CLCC1: variants seen among roughly 807,000 people sequenced by gnomAD.
CLCC1 encodes the protein chloride channel CLIC-like protein 1.
Under a neutral mutation model 63.3 loss-of-function variants are expected in CLCC1, and 39 were observed. The observed-to-expected ratio is 0.62, with a 90% CI of 0.48 to 0.81. CLCC1 has a LOEUF of 0.81. Among genes scored for constraint, CLCC1 ranks in the 30% least tolerant of loss-of-function variants. The probability of loss-of-function intolerance (pLI) is 0.00; values close to 1 mark genes in which losing one functional copy is unlikely to be tolerated. For synonymous variants in CLCC1, 217 were observed against 239.8 expected (o/e 0.90, Z 0.88); for missense variants, 549 against 669.4 (o/e 0.82, Z 1.98).
At chr1:108,932,733 C>A (rs376474529) in intron 12 of CLCC1, 4 of 152,162 alleles carry the variant, frequency 2.6e-5, no homozygotes, top group Admixed American at 2.6e-4. Flanking sequence ...ACACTTTATA[C>A]GCATGGATGT....
Position 108,954,851 on chromosome 1 carries a change from T to TGTGTGTGTGTGTGA in CLCC1, c.-11-4404_-11-4403insTCACACACACACAC, listed in dbSNP as rs1372044601. Among the ~76,000 whole-genome samples the TGTGTGTGTGTGTGA allele has an allele frequency of 3.3e-4, 48 of 145,838 alleles. 1 individual carries two copies. Among genetic ancestry groups the TGTGTGTGTGTGTGA allele is most frequent in the African/African-American group, 1.3e-3 (48 of 38,142 alleles). ...GTGTGTGTGTGTGTGTGTGTGTGTG[T>TGTGTGTGTGTGTGA]GACGGAGTTTCGCTCTTGTCGCCCA... On this transcript the variant is annotated intron_variant, in intron 2 of 12. Transcript: ENST00000369969.
intron 2 of CLCC1, among the ~76,000 whole-genome samples, chr1:108,952,748 T>G (rs760020235): frequency 6.5e-4 from 98 of 150,416 alleles, no homozygotes; most frequent in Non-Finnish European, 1.2e-3. Flanking sequence ...TGCAGTGAGC[T>G]GAGATCGCGC....
intron 2 of CLCC1, among the ~76,000 whole-genome samples, chr1:108,952,617 GTTGAAACCCCAT>G (rs1655357511): frequency 6.6e-6 from 1 of 150,414 alleles, no homozygotes; most frequent in South Asian, 2.1e-4. Context: ...TGGCCAACAA[GTTGAAACCCCAT>G]CTCTACTAAA....
At chr1:108,950,596 A>C in intron 2 of CLCC1, 148 bp from the exon 3 acceptor site, 2 of 352,822 alleles carry the variant, frequency 5.7e-6, no homozygotes, top group Non-Finnish European at 9.4e-6. Flanking sequence ...ATCACAGCTC[A>C]GTGCATCCTC....
Position 108,932,412 on chromosome 1 carries a change from T to TAAGTC in CLCC1, c.*130_*134dup, listed in dbSNP as rs1210949345. On this transcript the variant is annotated 3_prime_UTR_variant, in exon 13 of 13. Transcript: ENST00000369969. ...GATGTGTTCAATTTGCTTTCATATT[T>TAAGTC]AAGTCTTTCCTGAATTGCTGTCATC... is the stretch of plus-strand genomic sequence containing the variant. The TAAGTC allele has an allele frequency of 6.6e-6, 1 of 152,204 alleles. No homozygotes were observed. The allele number at this position is 152,204 out of a possible 1,614,324, so 9.4% of individuals were successfully genotyped here.
In CLCC1 at chr1:108,941,391, C is replaced by T. The variant is rs781233620; in HGVS notation, c.796+14G>A. 3.1e-6 allele frequency: 5 copies of T among 1,605,932 alleles called. No homozygotes were observed. Among genetic ancestry groups the T allele is most frequent in the South Asian group, 1.1e-5 (1 of 90,384 alleles). On this transcript the variant is annotated intron_variant, in intron 8 of 12. Coordinates refer to ENST00000369969, the MANE Select transcript of CLCC1 (RefSeq NM_001377458.1). ...TTTCTATTCAAAATAAGGACAAGTG[C>T]ACAAACACCTTACCCCAGATACTTC...
At chr1:108,951,036 T>C (rs1156638409) in intron 2 of CLCC1, among the ~76,000 whole-genome samples, 1 of 152,234 alleles carries the variant, frequency 6.6e-6, no homozygotes, top group East Asian at 1.9e-4. Flanking sequence ...TGAAAATATA[T>C]GTCCACACAA....
At chr1:108,961,859 A>T (rs147831260) in intron 2 of CLCC1, among the ~76,000 whole-genome samples, 2 of 142,714 alleles carry the variant, frequency 1.4e-5, no homozygotes, top group East Asian at 3.9e-4. Flanking sequence ...AACTCCGTCT[A>T]AAAAAAAAAA....
At position 108,929,854 on chromosome 1, in the gene CLCC1, G is replaced by GAC. The variant is rs1266757299; in HGVS notation, c.*2691_*2692dup. 24 of 1,613,898 alleles carry GAC rather than the reference G, an allele frequency of 1.5e-5. No individual in the cohort carries two copies. Among genetic ancestry groups the GAC allele is most frequent in the Non-Finnish European group, 1.9e-5 (22 of 1,179,814 alleles). The stretch of plus-strand genomic sequence containing the variant: ...TCTTTTACAAAGAGATCAAAACAGA[G>GAC]ACACTGACTTTGGGCTAAAGGACTT... On this transcript the variant is annotated 3_prime_UTR_variant, in exon 13 of 13. Transcript: ENST00000369969.
chr1:108,934,850 C>T lies in CLCC1; in HGVS notation c.1476G>A (p.Gln492=), dbSNP rs1350421684. Residue 492 remains glutamine, a synonymous_variant, in exon 12 of 13, where the codon CAG becomes CAA. Transcript: ENST00000369969. ...TPKESSTESS[Q]SAKPVSGQDT... ...CTTGGCCAGAGACAGGCTTGGCCGA[C>T]TGGCTGCTTTCAGTACTGCTTTCTT... The T allele has an allele frequency of 6.2e-7, 1 of 1,614,258 alleles. No individual in the cohort carries two copies. The highest frequency in any genetic ancestry group is 1.7e-5 in the Admixed American group (1 of 60,036).
intron 2 of CLCC1, among the ~76,000 whole-genome samples, chr1:108,955,358 A>T (rs865782750): frequency 2.0e-5 from 3 of 151,648 alleles, no homozygotes; most frequent in Middle Eastern, 3.4e-3. Context: ...GGCCCCTAAG[A>T]TCTAAGACGG....
rs547967184 is a variant in CLCC1 at position 108,931,400 on chromosome 1, G to C, written c.*1147C>G. The C allele has an allele frequency of 9.7e-6, 15 of 1,548,942 alleles. No individual in the cohort carries two copies. The South Asian group carries it at 1.7e-4, about 17-fold the overall frequency. Reference sequence around the variant, plus strand: ...AGTATGGGACAGACTGGGACCTGGAGTAACACTGGATCACAGACTGCAAAG... The same window carrying C: ...AGTATGGGACAGACTGGGACCTGGACTAACACTGGATCACAGACTGCAAAG... On this transcript the variant is annotated 3_prime_UTR_variant, in exon 13 of 13. Transcript: ENST00000369969.
chr1:108,957,548 T>C (rs1168691539), intron 2 of CLCC1, among the ~76,000 whole-genome samples: 4 of 151,494 alleles, frequency 2.6e-5, no homozygotes, highest in Non-Finnish European at 4.4e-5. Context: ...GATATAGGGG[T>C]TTATTTCTTA....
At position 108,931,261 on chromosome 1, in the gene CLCC1, A is replaced by AGAT. The variant is rs1397706536; in HGVS notation, c.*1283_*1285dup. On this transcript the variant is annotated 3_prime_UTR_variant, in exon 13 of 13. Coordinates refer to ENST00000369969, the MANE Select transcript of CLCC1 (RefSeq NM_001377458.1). ...CTCACAAAAATTAAATATGAAAGAA[A>AGAT]GATGTCAGCTAGAACCTTAGTTGTC... 3.4e-6 allele frequency: 5 copies of AGAT among 1,452,360 alleles called. No homozygotes were observed. The South Asian group carries it at 5.7e-5, about 16-fold the overall frequency. 90.0% of individuals were successfully genotyped at this position (1,452,360 alleles called of 1,614,324 possible). A position where few individuals can be genotyped will look rare whatever the true frequency, so the allele number is the denominator to read the frequency against.
At position 108,937,215 on chromosome 1, in the gene CLCC1, C is replaced by G; in HGVS notation, c.1245G>C (p.Thr415=). The change falls in exon 11 of 13, where the codon ACG becomes ACC. Residue 415 remains threonine, a synonymous_variant. Coordinates refer to ENST00000369969, the MANE Select transcript of CLCC1 (RefSeq NM_001377458.1). ...TCAAAATCTCTCTTCTACCCTCATA[C>G]GTTTTGGCATAAGGGCCTTGCTCAG... is the stretch of plus-strand genomic sequence containing the variant. The part of the protein sequence containing the change: ...GPTEQGPYAK[T]YEGRREILRE... 6.2e-7 allele frequency: 1 copy of G among 1,612,456 alleles called. No homozygotes were observed. Among genetic ancestry groups the G allele is most frequent in the Non-Finnish European group, 8.5e-7 (1 of 1,179,450 alleles).
intron 11 of CLCC1, 27 bp downstream of exon 11, chr1:108,937,050 A>C (rs1191038605): frequency 7.0e-7 from 1 of 1,436,812 alleles, no homozygotes. Context: ...ATGAAGGGAC[A>C]GCAGAATAAA....
Position 108,954,929 on chromosome 1 carries a change from T to C in CLCC1, c.-11-4481A>G, listed in dbSNP as rs577914970. Among the ~76,000 whole-genome samples, 74 of 150,570 alleles carry C rather than the reference T, an allele frequency of 4.9e-4. 2 individuals are homozygous for C. The highest frequency in any genetic ancestry group is 1.7e-3 in the African/African-American group (70 of 40,212). On this transcript the variant is annotated intron_variant, in intron 2 of 12. Coordinates refer to ENST00000369969, the MANE Select transcript of CLCC1 (RefSeq NM_001377458.1). ...CTCACTGCAACCTCTGCCTCCTGGG[T>C]TCAAAAATTCTCCTGCCTCACCCTC...
chr1:108,934,522 AAAATGTGAATGTTGAAGTTG>A (rs1028494933), intron 12 of CLCC1, 83 bp downstream of exon 12: 14 of 879,016 alleles, frequency 1.6e-5, no homozygotes, highest in Admixed American at 8.6e-5. Flanking sequence ...ATTGTCAGTA[AAAATGTGAATGTTGAAGTTG>A]AAATGTGAAT....
chr1:108,945,447 T>C (rs1009384136), intron 5 of CLCC1, among the ~76,000 whole-genome samples: 1 of 152,226 alleles, frequency 6.6e-6, no homozygotes, highest in African/African-American at 2.4e-5. Context: ...ACAGTTTTGA[T>C]TGCCTTGTTC....
Sources: gnomAD v4.1 joint callset for allele counts (sites outside exome capture counted in the v4.1 genomes callset) on GRCh38, gnomAD v4.1.1 for gene constraint, MANE v1.5 for transcripts, NCBI Gene and HGNC (gene_info 2026-07-23, HGNC 2026-07-21) for gene names.